Variants in DAPK2 observed in about 807,000 individuals in gnomAD.
DAPK2 encodes death associated protein kinase 2, also known as death-associated protein kinase 2.
A neutral mutation model predicts 44.1 loss-of-function variants in DAPK2; 35 were observed. The observed-to-expected ratio is 0.79, with a 90% CI of 0.61 to 1.05. The LOEUF (loss-of-function observed/expected upper bound fraction) is 1.05, where lower values mean the gene tolerates loss of function less well. Ranked by LOEUF, DAPK2 falls within the 50% of genes least tolerant of loss-of-function variation. The pLI, the probability that DAPK2 is intolerant of heterozygous loss-of-function variation, is 0.00. For missense variants in DAPK2, 453 were observed against 483.2 expected, an observed-to-expected ratio of 0.94 and a Z score of 0.59; for synonymous variants, 174 against 182.6, an observed-to-expected ratio of 0.95 and a Z score of 0.38.
At chr15:63,949,193 C>G (rs779085483) in intron 3 of DAPK2, among the ~76,000 whole-genome samples, 1 of 152,214 alleles carries the variant, frequency 6.6e-6, no homozygotes, top group African/African-American at 2.4e-5. Context: ...TAAACCACAG[C>G]CTCTGGCTAC....
At chr15:64,032,198 T>C (rs186618941) in intron 1 of DAPK2, among the ~76,000 whole-genome samples, 1 of 152,060 alleles carries the variant, frequency 6.6e-6, no homozygotes, top group Non-Finnish European at 1.5e-5. Flanking sequence ...ATGTGTAACA[T>C]GAGGTATGAT....
In DAPK2 at chr15:63,908,206, G is replaced by C. The variant is rs868600904; in HGVS notation, c.*314C>G. 2.4e-5 allele frequency: 5 copies of C among 211,534 alleles called. No homozygotes were observed. The highest frequency in any genetic ancestry group is 4.7e-5 in the Non-Finnish European group (5 of 107,208). The allele number at this position is 211,534 out of a possible 1,614,324, so 13.1% of individuals were successfully genotyped here. A position where few individuals can be genotyped will look rare whatever the true frequency, so the allele number is the denominator to read the frequency against. ...CTTAGTCTGACCTTCACCCCGTGAT[G>C]ATGAGGATGTCCTTTATATTGTTTT... On this transcript the variant is annotated 3_prime_UTR_variant, in exon 11 of 11. Transcript: ENST00000261891. This position sits in a 1 kb window ranked among gnomAD's most constrained non-coding sequence, Gnocchi z 5.7.
chr15:63,981,808 A>G (rs1366450166), intron 2 of DAPK2, among the ~76,000 whole-genome samples: 1 of 152,190 alleles, frequency 6.6e-6, no homozygotes, highest in East Asian at 1.9e-4. Context: ...CAGTAGTCCA[A>G]CCAGCTGGGA....
chr15:63,927,868 C>T (rs2079351935), intron 6 of DAPK2, among the ~76,000 whole-genome samples: 1 of 152,092 alleles, frequency 6.6e-6, no homozygotes, highest in Admixed American at 6.5e-5. Flanking sequence ...CCTCAGCCTC[C>T]CAAGTAGCTG....
At chr15:64,001,940 C>T (rs1475443336) in intron 1 of DAPK2, among the ~76,000 whole-genome samples, 1 of 152,208 alleles carries the variant, frequency 6.6e-6, no homozygotes, top group Non-Finnish European at 1.5e-5. Context: ...TGCTTTCCTA[C>T]CTTGGTAAAG....
At chr15:63,926,375 C>G (rs2079267510) in intron 6 of DAPK2, among the ~76,000 whole-genome samples, 1 of 151,946 alleles carries the variant, frequency 6.6e-6, no homozygotes, top group South Asian at 2.1e-4. Context: ...CTTTGTGATC[C>G]CCAGCAAGAC....
At chr15:64,044,590 G>A (rs1251233376), upstream of DAPK2, among the ~76,000 whole-genome samples, 1 of 152,142 alleles carries the variant, frequency 6.6e-6, no homozygotes, top group Non-Finnish European at 1.5e-5. Context: ...TCTTCCCAGG[G>A]CTTCTTCTGT....
At chr15:63,952,765 T>C (rs1263005249) in intron 3 of DAPK2, among the ~76,000 whole-genome samples, 2 of 152,054 alleles carry the variant, frequency 1.3e-5, no homozygotes, top group Non-Finnish European at 2.9e-5. Context: ...ATGAACAGGG[T>C]ATCCATCATC....
At chr15:63,924,730 G>A (rs1452804588) in intron 8 of DAPK2, 86 bp downstream of exon 9, 4 of 1,461,274 alleles carry the variant, frequency 2.7e-6, no homozygotes, top group South Asian at 1.2e-5. Flanking sequence ...GCCTCTCCAT[G>A]GGCCCTCTGC....
intron 1 of DAPK2, among the ~76,000 whole-genome samples, chr15:63,998,108 G>A (rs1257960046): frequency 6.6e-6 from 1 of 152,216 alleles, no homozygotes; most frequent in Non-Finnish European, 1.5e-5. Context: ...ACACAGCACA[G>A]AGCCTGACAT....
At chr15:63,925,519 C>T (rs1311635623) in intron 7 of DAPK2, among the ~76,000 whole-genome samples, 1 of 152,136 alleles carries the variant, frequency 6.6e-6, no homozygotes, top group African/African-American at 2.4e-5. Flanking sequence ...CTTCCACCAT[C>T]CCACTGTACT....
chr15:64,002,916 C>CTGTGTGTGTGTGTG lies in DAPK2; in HGVS notation c.93-19176_93-19163dup, dbSNP rs3056849. 8.4e-3 allele frequency among the ~76,000 whole-genome samples: 726 copies of CTGTGTGTGTGTGTG among 86,106 alleles called. 14 individuals carry two copies. The highest frequency in any genetic ancestry group is 0.02 in the Middle Eastern group (3 of 148). The allele number at this position is 86,106 out of a possible 152,430, so 56.5% of individuals were successfully genotyped here. ...AGGGAGGGAGAGAAAGACTGAGACA[C>CTGTGTGTGTGTGTG]TGTGTGTGTGTGTGTGTGTGTGTGT... On this transcript the variant is annotated intron_variant, in intron 1 of 10. Transcript: ENST00000261891.
intron 8 of DAPK2, chr15:63,919,911 T>C (rs923681279): frequency 3.3e-5 from 5 of 152,212 alleles, no homozygotes; most frequent in East Asian, 3.8e-4. Context: ...ACATTTAATA[T>C]TTGCAGTGTC....
chr15:63,939,201 T>C lies in DAPK2; in HGVS notation c.583+31A>G, dbSNP rs771186341. 1.2e-6 allele frequency: 2 copies of C among 1,611,118 alleles called. No homozygotes were observed. Among genetic ancestry groups the C allele is most frequent in the South Asian group, 2.2e-5 (2 of 90,902 alleles). ...ATCCCTACCTTTGATGCCAGATTCT[T>C]AGCTGAAAGACAAACAGGCCTACAA... On this transcript the variant is annotated intron_variant, in intron 4 of 10. Coordinates refer to ENST00000261891, the Ensembl canonical transcript of DAPK2. This position sits in a 1 kb window ranked among gnomAD's most constrained non-coding sequence, Gnocchi z 4.3.
rs909685813 is a variant in DAPK2 at position 63,923,563 on chromosome 15, C to T, written c.858+1253G>A. 4.6e-5 allele frequency among the ~76,000 whole-genome samples: 7 copies of T among 152,142 alleles called. No individual in the cohort carries two copies. The highest frequency in any genetic ancestry group is 1.7e-4 in the African/African-American group (7 of 41,420). On this transcript the variant is annotated intron_variant, in intron 8 of 10. Coordinates refer to ENST00000261891, the Ensembl canonical transcript of DAPK2. The surrounding 1 kb of genome is among the most constrained non-coding windows in gnomAD (Gnocchi z 4.2). ...CATGCTCATTCAGGGCAGAAGGGTC[C>T]ACAGCCATTAGAGAGAGCTCCACAC...
At position 63,967,408 on chromosome 15, in the gene DAPK2, G is replaced by A. The variant is rs1253222153; in HGVS notation, c.453+4015C>T. ...TCATATTAATTTGTCCATTTGGACT[G>A]GGTATGGTGGCTCATGCCTATGATC... On this transcript the variant is annotated intron_variant, in intron 3 of 10. Coordinates refer to ENST00000261891, the Ensembl canonical transcript of DAPK2. Among the ~76,000 whole-genome samples, 3 of 152,146 alleles carry A rather than the reference G, an allele frequency of 2.0e-5. No individual in the cohort carries two copies. In the East Asian group the frequency reaches 5.8e-4, roughly 29 times the overall value.
intron 3 of DAPK2, among the ~76,000 whole-genome samples, chr15:63,947,425 T>C (rs184285171): frequency 6.6e-6 from 1 of 152,318 alleles, no homozygotes; most frequent in Non-Finnish European, 1.5e-5. Context: ...AGTTACTGTT[T>C]ACTGGACAAA....
intron 2 of DAPK2, among the ~76,000 whole-genome samples, chr15:63,973,744 TG>T (rs1391550956): frequency 1.3e-5 from 2 of 152,204 alleles, no homozygotes; most frequent in Middle Eastern, 3.4e-3. Flanking sequence ...TTAATTGGGG[TG>T]GGGGGCAGAG....
At chr15:63,998,829 G>C (rs994665878) in intron 1 of DAPK2, among the ~76,000 whole-genome samples, 4 of 152,188 alleles carry the variant, frequency 2.6e-5, no homozygotes, top group Non-Finnish European at 5.9e-5. Flanking sequence ...CGTTTGTGCT[G>C]GATGAGGATT....
Sources: gnomAD v4.1 joint callset for allele counts (sites outside exome capture counted in the v4.1 genomes callset) on GRCh38, gnomAD v4.1.1 for gene constraint, Gnocchi (gnomAD v3.1) non-coding constraint, MANE v1.5 for transcripts, NCBI Gene and HGNC (gene_info 2026-07-23, HGNC 2026-07-21) for gene names.